The following NF1 variants were observed in gnomAD, a reference collection of about 807,000 sequenced individuals.
The protein encoded by NF1 is neurofibromin 1, also known as neurofibromin.
In NF1, 122 loss-of-function variants were observed where a neutral mutation model predicts 325.7. The observed-to-expected ratio is 0.37, with a 90% CI of 0.32 to 0.44. NF1 has a LOEUF of 0.44. Among genes scored for constraint, NF1 ranks in the 20% least tolerant of loss-of-function variants. The probability of loss-of-function intolerance (pLI) is 1.00; values close to 1 mark genes in which losing one functional copy is unlikely to be tolerated. For missense variants in NF1, 2,140 were observed against 3,415.4 expected, an observed-to-expected ratio of 0.63 and a Z score of 9.31; for synonymous variants, 1,091 against 1,186.0, an observed-to-expected ratio of 0.92 and a Z score of 1.65.
At chr17:31,131,571 C>G (rs983903289) in intron 1 of NF1, among the ~76,000 whole-genome samples, 2 of 152,190 alleles carry the variant, frequency 1.3e-5, no homozygotes, top group Non-Finnish European at 2.9e-5. Context: ...TTCCTACTGG[C>G]TGCAGCTAGT....
chr17:31,224,342 G>A (rs2066976829), intron 16 of NF1, among the ~76,000 whole-genome samples: 2 of 152,078 alleles, frequency 1.3e-5, no homozygotes, highest in South Asian at 4.2e-4. Context: ...GATTTAATGA[G>A]TTTTTATCTG....
intron 57 of NF1, among the ~76,000 whole-genome samples, chr17:31,373,030 A>G (rs1365471046): frequency 6.6e-6 from 1 of 152,176 alleles, no homozygotes; most frequent in Admixed American, 6.5e-5. Context: ...TAAATAATCA[A>G]TCATTGTTAG....
rs369839106 is a variant in NF1 at position 31,367,029 on chromosome 17, C to T, written c.8377+6326C>T. Reference sequence around the variant, plus strand: ...TATAAGTGGTAAAAAAATACATCTACAAAGTTGTAAGTTCTCTCATTTATT... The same window carrying T: ...TATAAGTGGTAAAAAAATACATCTATAAAGTTGTAAGTTCTCTCATTTATT... On this transcript the variant is annotated intron_variant, in intron 57 of 57. Coordinates refer to ENST00000358273, the MANE Select transcript of NF1 (RefSeq NM_001042492.3). Among the ~76,000 whole-genome samples, 23 of 152,094 alleles carry T rather than the reference C, an allele frequency of 1.5e-4. 1 individual carries two copies. The highest frequency in any genetic ancestry group is 5.1e-4 in the African/African-American group (21 of 41,494).
At chr17:31,372,698 G>A (rs1461698659) in intron 57 of NF1, among the ~76,000 whole-genome samples, 1 of 152,118 alleles carries the variant, frequency 6.6e-6, no homozygotes, top group East Asian at 1.9e-4. Context: ...TTACTTTTCT[G>A]AAGTTACTGC....
At chr17:31,217,914 G>A (rs1429342433) in intron 13 of NF1, among the ~76,000 whole-genome samples, 2 of 142,178 alleles carry the variant, frequency 1.4e-5, no homozygotes, top group African/African-American at 2.6e-5. Context: ...GCAGTGAGCC[G>A]AGATCACGCC....
At chr17:31,307,258 A>G (rs565505374) in intron 36 of NF1, among the ~76,000 whole-genome samples, 84 of 151,702 alleles carry the variant, frequency 5.5e-4, no homozygotes, top group African/African-American at 1.9e-3. Flanking sequence ...ACCTCAGGTG[A>G]TCTGCCTGCC....
intron 36 of NF1, chr17:31,305,577 A>G: frequency 1.9e-6 from 3 of 1,613,390 alleles, no homozygotes; most frequent in Non-Finnish European, 1.7e-6. Flanking sequence ...GGTGTCCACA[A>G]AACAAAATTA....
intron 11 of NF1, among the ~76,000 whole-genome samples, chr17:31,202,979 A>T (rs2066556948): frequency 6.6e-6 from 1 of 152,214 alleles, no homozygotes; most frequent in African/African-American, 2.4e-5. Flanking sequence ...ATATTCAAAG[A>T]GTGGATAGCT....
rs146306756 is a variant in NF1, at chr17:31,249,018, C to A, written c.4009C>A (p.Arg1337=). 1 of 1,614,058 alleles carries A rather than the reference C, an allele frequency of 6.2e-7. No individual in the cohort carries two copies. The highest frequency in any genetic ancestry group is 1.1e-5 in the South Asian group (1 of 91,064). Residue 1337 remains arginine, a synonymous_variant, in exon 30 of 58, where the codon CGG becomes AGG. Coordinates refer to ENST00000358273, the MANE Select transcript of NF1 (RefSeq NM_001042492.3). ...ATCAGAGAGCCTTGAGGAAAACCAG[C>A]GGAACCTCCTTCAGATGACTGAAAA... ...EPSESLEENQ[R]NLLQMTEKFF... is the part of the protein sequence containing the mutation.
chr17:31,260,539 T>A (rs2151464952), intron 34 of NF1, 24 bp downstream of exon 34: 1 of 1,612,036 alleles, frequency 6.2e-7, no homozygotes, highest in Non-Finnish European at 8.5e-7. Flanking sequence ...GTCATGGGGA[T>A]AGTGAACACT....
At chr17:31,141,585 A>T (rs1219842995) in intron 1 of NF1, among the ~76,000 whole-genome samples, 1 of 152,160 alleles carries the variant, frequency 6.6e-6, no homozygotes, top group Non-Finnish European at 1.5e-5. Context: ...TTCAGCACTT[A>T]GACTCACAAT....
At chr17:31,215,240 C>T (rs532939959) in intron 13 of NF1, among the ~76,000 whole-genome samples, 1 of 152,248 alleles carries the variant, frequency 6.6e-6, no homozygotes, top group South Asian at 2.1e-4. Context: ...CTCGGCCTCC[C>T]CAAGTGCTGT....
At chr17:31,252,775 C>T (rs984431478) in intron 30 of NF1, 163 bp from the exon 31 acceptor site, 3 of 629,748 alleles carry the variant, frequency 4.8e-6, no homozygotes, top group African/African-American at 1.8e-5. Context: ...AAATTAAAAC[C>T]CAGAATTAAA....
chr17:31,134,671 C>T (rs1915629163), intron 1 of NF1, among the ~76,000 whole-genome samples: 1 of 152,198 alleles, frequency 6.6e-6, no homozygotes, highest in Admixed American at 6.6e-5. Context: ...AGAGCATTTG[C>T]TTCCAAGTAA....
intron 36 of NF1, among the ~76,000 whole-genome samples, chr17:31,313,404 G>A (rs1462347143): frequency 6.6e-6 from 1 of 151,924 alleles, no homozygotes; most frequent in South Asian, 2.1e-4. Flanking sequence ...TAAAACTAAG[G>A]TTAACAAATA....
chr17:31,159,183 A>G (rs1274415831), intron 3 of NF1, 90 bp downstream of exon 3: 14 of 914,960 alleles, frequency 1.5e-5, no homozygotes, highest in Non-Finnish European at 2.0e-5. Flanking sequence ...GACCAAGAGG[A>G]CAGTCCTATG....
At chr17:31,237,286 A>G (rs2067219596) in intron 29 of NF1, among the ~76,000 whole-genome samples, 1 of 151,938 alleles carries the variant, frequency 6.6e-6, no homozygotes, top group South Asian at 2.1e-4. Flanking sequence ...TTTACTTCTT[A>G]TTTTTTGAAA....
intron 36 of NF1, chr17:31,305,149 T>C: frequency 6.2e-7 from 1 of 1,614,222 alleles, no homozygotes; most frequent in Middle Eastern, 1.6e-4. Flanking sequence ...AGAAGGGATC[T>C]GGACAGATGA....
intron 1 of NF1, among the ~76,000 whole-genome samples, chr17:31,141,497 C>A (rs1465113649): frequency 6.6e-6 from 1 of 152,038 alleles, no homozygotes; most frequent in African/African-American, 2.4e-5. Context: ...AAATGTTATC[C>A]TTTCTGTAGC....
Sources: allele counts gnomAD v4.1 joint callset (sites outside exome capture counted in the v4.1 genomes callset), GRCh38; gene constraint gnomAD v4.1.1; transcripts MANE v1.5; gene names NCBI Gene and HGNC (gene_info 2026-07-23, HGNC 2026-07-21).